Variants in MAML3 observed in about 807,000 individuals in gnomAD.
MAML3 encodes mastermind-like protein 3.
In MAML3, 27 loss-of-function variants were observed where a neutral mutation model predicts 101.9. The observed-to-expected ratio is 0.27, with a 90% CI of 0.20 to 0.37. The LOEUF is 0.37. Among genes scored for constraint, MAML3 ranks in the 10% least tolerant of loss-of-function variants. The pLI, the probability that MAML3 is intolerant of heterozygous loss-of-function variation, is 1.00. For synonymous variants in MAML3, 501 were observed against 555.9 expected (o/e 0.90, Z 1.39); for missense variants, 1,316 against 1,444.9 (o/e 0.91, Z 1.45).
intron 1 of MAML3, among the ~76,000 whole-genome samples, chr4:140,061,076 T>C (rs1195093562): frequency 6.6e-6 from 1 of 152,246 alleles, no homozygotes; most frequent in Non-Finnish European, 1.5e-5. Flanking sequence ...GCACGTTTGA[T>C]GTGGACTTCT....
At chr4:140,132,929 A>T in intron 1 of MAML3, 1 of 262,432 alleles carries the variant, frequency 3.8e-6, no homozygotes, top group Non-Finnish European at 7.8e-6. Context: ...TATTTCATTT[A>T]TTCTGAACAA....
At chr4:140,115,932 C>T (rs573645121) in intron 1 of MAML3, among the ~76,000 whole-genome samples, 1 of 152,186 alleles carries the variant, frequency 6.6e-6, no homozygotes, top group Non-Finnish European at 1.5e-5. Context: ...TACTAATTCA[C>T]ACTAGTGGAA....
At chr4:139,893,241 T>C (rs539389154) in intron 1 of MAML3, among the ~76,000 whole-genome samples, 4 of 152,284 alleles carry the variant, frequency 2.6e-5, no homozygotes, top group African/African-American at 7.2e-5. Context: ...CCCTGGGTAA[T>C]AGCTGCTTAT....
At chr4:139,795,409 G>A (rs1454326184) in intron 2 of MAML3, among the ~76,000 whole-genome samples, 12 of 152,164 alleles carry the variant, frequency 7.9e-5, no homozygotes, top group Admixed American at 5.9e-4. Flanking sequence ...TATTATACAC[G>A]AAACGTTTCT....
chr4:140,019,517 C>T (rs1027801489), intron 1 of MAML3, among the ~76,000 whole-genome samples: 1 of 152,194 alleles, frequency 6.6e-6, no homozygotes, highest in Non-Finnish European at 1.5e-5. Context: ...AAGCCTCTGG[C>T]CTAGGAAGAT....
At chr4:140,007,898 T>C (rs763800369) in intron 1 of MAML3, among the ~76,000 whole-genome samples, 2 of 152,196 alleles carry the variant, frequency 1.3e-5, no homozygotes, top group Non-Finnish European at 2.9e-5. Context: ...ATCTAGTAAC[T>C]CACAGTCATT....
chr4:140,108,372 C>T (rs138662161), intron 1 of MAML3, among the ~76,000 whole-genome samples: 3 of 151,940 alleles, frequency 2.0e-5, no homozygotes, highest in African/African-American at 7.2e-5. Context: ...TTTAATGCTT[C>T]CCTGAGTCTC....
At chr4:139,734,262 T>G (rs560046977) in intron 2 of MAML3, among the ~76,000 whole-genome samples, 1 of 152,344 alleles carries the variant, frequency 6.6e-6, no homozygotes, top group African/African-American at 2.4e-5. Flanking sequence ...CTGCTCTTGT[T>G]TCTAAGAAGG....
intron 2 of MAML3, among the ~76,000 whole-genome samples, chr4:139,803,358 T>C (rs1297006607): frequency 6.6e-6 from 1 of 152,214 alleles, no homozygotes; most frequent in African/African-American, 2.4e-5. Context: ...CCTTCAAATG[T>C]TACAGATTAC....
intron 1 of MAML3, among the ~76,000 whole-genome samples, chr4:139,892,150 T>C (rs1270774017): frequency 6.6e-6 from 1 of 152,206 alleles, no homozygotes; most frequent in African/African-American, 2.4e-5. Flanking sequence ...CTAGAGAAGA[T>C]AGTTGAAGCA....
At chr4:139,810,702 GT>G (rs1730781104) in intron 2 of MAML3, among the ~76,000 whole-genome samples, 1 of 152,060 alleles carries the variant, frequency 6.6e-6, no homozygotes, top group African/African-American at 2.4e-5. Flanking sequence ...TATGTGGTAG[GT>G]TTTTTATTCT....
rs985134415 is a variant in MAML3 at position 140,144,488 on chromosome 4, C to G, written c.468+8372G>C. ...GCTTGAACCTGGGAGGTGGATCGTGCCACTGCACTCCAGCCTGGGTGACAG... is the reference window on the plus strand; with the variant it reads ...GCTTGAACCTGGGAGGTGGATCGTGGCACTGCACTCCAGCCTGGGTGACAG... On this transcript the variant is annotated intron_variant, in intron 1 of 4. Transcript: ENST00000509479. Among the ~76,000 whole-genome samples, 298 of 151,118 alleles carry G rather than the reference C, an allele frequency of 2.0e-3. 3 individuals are homozygous for G. The highest frequency in any genetic ancestry group is 4.0e-4 in the Non-Finnish European group (27 of 67,826).
intron 2 of MAML3, among the ~76,000 whole-genome samples, chr4:139,861,970 A>C (rs1182592062): frequency 6.6e-6 from 1 of 152,056 alleles, no homozygotes; most frequent in Non-Finnish European, 1.5e-5. Flanking sequence ...GCACTTTGGG[A>C]GGCTGAGGGG....
At chr4:139,912,698 G>A (rs1395788587) in intron 1 of MAML3, among the ~76,000 whole-genome samples, 5 of 152,210 alleles carry the variant, frequency 3.3e-5, no homozygotes, top group Non-Finnish European at 5.9e-5. Context: ...GCCGTTTGAC[G>A]GCGGAGGCAG....
intron 1 of MAML3, among the ~76,000 whole-genome samples, chr4:139,901,011 C>T (rs1732708849): frequency 6.6e-6 from 1 of 152,226 alleles, no homozygotes. Flanking sequence ...ATGCTCTCAC[C>T]TACTCTGCTA....
chr4:139,751,176 T>C (rs1261750324), intron 2 of MAML3, among the ~76,000 whole-genome samples: 1 of 152,222 alleles, frequency 6.6e-6, no homozygotes, highest in African/African-American at 2.4e-5. Flanking sequence ...CATGTCCCTG[T>C]CTAAATATAA....
intron 1 of MAML3, among the ~76,000 whole-genome samples, chr4:140,093,419 T>G (rs1403287312): frequency 1.4e-5 from 2 of 146,956 alleles, no homozygotes; most frequent in African/African-American, 2.5e-5. Flanking sequence ...TTTGTTTGTT[T>G]TTTTTTTTTT....
intron 2 of MAML3, among the ~76,000 whole-genome samples, chr4:139,782,849 C>G (rs925136666): frequency 1.3e-5 from 2 of 152,172 alleles, no homozygotes; most frequent in African/African-American, 4.8e-5. Context: ...ATTTGGGAAT[C>G]ACCTTTCACC....
chr4:140,064,822 A>G (rs1727504806), intron 1 of MAML3, among the ~76,000 whole-genome samples: 1 of 152,184 alleles, frequency 6.6e-6, no homozygotes, highest in African/African-American at 2.4e-5. Flanking sequence ...ACAACAGAAC[A>G]ACAGCTATGC....
Sources: gnomAD v4.1 joint callset for allele counts (sites outside exome capture counted in the v4.1 genomes callset) on GRCh38, gnomAD v4.1.1 for gene constraint, MANE v1.5 for transcripts, NCBI Gene and HGNC (gene_info 2026-07-23, HGNC 2026-07-21) for gene names.